The following CDH11 variants were observed in gnomAD, a reference collection of about 807,000 sequenced individuals.
CDH11 encodes cadherin-11.
In CDH11, 11 loss-of-function variants were observed where a neutral mutation model predicts 67.8. The ratio of observed to expected loss-of-function variants is 0.16; its 90% CI spans 0.10 to 0.27. The LOEUF is 0.27. CDH11 is among the 10% of genes least tolerant of loss of function. The probability of loss-of-function intolerance (pLI) is 1.00; values close to 1 mark genes in which losing one functional copy is unlikely to be tolerated. For synonymous variants in CDH11, 419 were observed against 400.0 expected (o/e 1.05, Z -0.57); for missense variants, 847 against 1,031.2 (o/e 0.82, Z 2.45).
chr16:65,043,691 G>A (rs1454215961), intron 2 of CDH11, among the ~76,000 whole-genome samples: 1 of 152,188 alleles, frequency 6.6e-6, no homozygotes, highest in Non-Finnish European at 1.5e-5. Context: ...AGTGTTCAGT[G>A]CAGAAGCAAT....
intron 1 of CDH11, among the ~76,000 whole-genome samples, chr16:65,084,975 C>T (rs989926779): frequency 2.6e-5 from 4 of 152,220 alleles, no homozygotes; most frequent in African/African-American, 9.6e-5. Context: ...AGTGGCACTA[C>T]CTCAACTCAC....
At chr16:64,972,811 T>A in intron 9 of CDH11, 93 bp downstream of exon 9, 2 of 1,329,642 alleles carry the variant, frequency 1.5e-6, no homozygotes, top group East Asian at 4.6e-5. Flanking sequence ...CCAAAAAAGT[T>A]AGTCTATCTC....
chr16:65,004,860 T>C lies in CDH11; in HGVS notation c.10A>G (p.Asn4Asp). MKE[N>D]YCLQAALVCL... The stretch of plus-strand genomic sequence containing the variant: ...ACCAGGGCGGCTTGTAAACAGTAGT[T>C]CTCCTTCATTTTTGGTTACGTGGTA... Residue 4 changes from asparagine (N) to aspartate (D), a missense_variant, in exon 3 of 13, where the codon AAC (asparagine) becomes GAC (aspartate). This residue lies in a region of CDH11 where 235 missense variants were observed against 352.5 expected (regional missense o/e 0.67). Transcript: ENST00000268603. The C allele has an allele frequency of 6.5e-7, 1 of 1,528,124 alleles. No homozygotes were observed. Among genetic ancestry groups the C allele is most frequent in the South Asian group, 1.2e-5 (1 of 81,936 alleles). 94.7% of individuals were successfully genotyped at this position (1,528,124 alleles called of 1,614,324 possible).
At chr16:65,006,008 T>C (rs1486647174) in intron 2 of CDH11, among the ~76,000 whole-genome samples, 1 of 152,194 alleles carries the variant, frequency 6.6e-6, no homozygotes, top group Non-Finnish European at 1.5e-5. Context: ...CTGGTTCTTA[T>C]TGCCAGTCCT....
At chr16:65,034,472 C>T (rs1197950742) in intron 2 of CDH11, among the ~76,000 whole-genome samples, 1 of 152,114 alleles carries the variant, frequency 6.6e-6, no homozygotes, top group East Asian at 1.9e-4. Context: ...GGCCACAGGC[C>T]ACATGTACCC....
intron 1 of CDH11, among the ~76,000 whole-genome samples, chr16:65,089,927 A>G (rs2074767327): frequency 6.6e-6 from 1 of 152,154 alleles, no homozygotes; most frequent in South Asian, 2.1e-4. Flanking sequence ...CAATAATAAT[A>G]TATTATTTAA....
At chr16:64,958,666 G>A (rs916041343) in intron 11 of CDH11, among the ~76,000 whole-genome samples, 5 of 152,060 alleles carry the variant, frequency 3.3e-5, no homozygotes, top group African/African-American at 1.2e-4. Flanking sequence ...GCACATAACT[G>A]ACCCTGGAAC....
intron 1 of CDH11, among the ~76,000 whole-genome samples, chr16:65,064,347 C>T (rs7191084): frequency 0.016 from 2,392 of 152,364 alleles, 71 homozygotes; most frequent in African/African-American, 0.054. Context: ...CCTCACATTC[C>T]TGTGGCGAGC....
chr16:65,120,777 C>G (rs942485907), intron 1 of CDH11, among the ~76,000 whole-genome samples: 2 of 152,112 alleles, frequency 1.3e-5, no homozygotes, highest in African/African-American at 4.8e-5. Context: ...CGCGGCGAGC[C>G]CCGGGCGAAA....
chr16:64,947,234 T>G lies in CDH11; in HGVS notation c.*369A>C. On this transcript the variant is annotated 3_prime_UTR_variant, in exon 13 of 13. Coordinates refer to ENST00000268603, the MANE Select transcript of CDH11 (RefSeq NM_001797.4). ...GCTCAGAACTGTTGTCCTTTCTAAT[T>G]TTGTGGAAGCTTCTTTGACAACTTA... 1 of 1,102,394 alleles carries G rather than the reference T, an allele frequency of 9.1e-7. No individual in the cohort carries two copies. The highest frequency in any genetic ancestry group is 3.5e-5 in the South Asian group (1 of 28,608). 68.3% of individuals were successfully genotyped at this position (1,102,394 alleles called of 1,614,324 possible).
chr16:65,003,513 T>A (rs901787522), intron 3 of CDH11, among the ~76,000 whole-genome samples: 4 of 152,182 alleles, frequency 2.6e-5, no homozygotes, highest in South Asian at 2.1e-4. Flanking sequence ...TGCCTCAGCC[T>A]CCCAGAGAAC....
intron 1 of CDH11, among the ~76,000 whole-genome samples, chr16:65,083,358 A>G (rs867507922): frequency 8.5e-5 from 13 of 152,366 alleles, no homozygotes; most frequent in Admixed American, 2.0e-4. Flanking sequence ...GCACATTATT[A>G]TGCCTGACAT....
chr16:65,029,183 G>C (rs2073591626), intron 2 of CDH11, among the ~76,000 whole-genome samples: 3 of 151,936 alleles, frequency 2.0e-5, no homozygotes, highest in African/African-American at 7.3e-5. Context: ...GCATTACACA[G>C]GATCCTAATT....
chr16:64,962,989 A>G (rs1429915455), intron 11 of CDH11, among the ~76,000 whole-genome samples: 1 of 152,184 alleles, frequency 6.6e-6, no homozygotes, highest in Non-Finnish European at 1.5e-5. Flanking sequence ...CCACATTGTT[A>G]AAGGCTTATT....
intron 2 of CDH11, among the ~76,000 whole-genome samples, chr16:65,035,617 C>A (rs919504138): frequency 1.3e-5 from 2 of 152,108 alleles, no homozygotes; most frequent in East Asian, 3.9e-4. Context: ...TCTTAATTTC[C>A]CACAATGTTT....
chr16:64,975,193 C>T (rs1231032757), intron 8 of CDH11, among the ~76,000 whole-genome samples: 1 of 152,176 alleles, frequency 6.6e-6, no homozygotes, highest in African/African-American at 2.4e-5. Flanking sequence ...TTTAGTGACT[C>T]ACACATTGCA....
intron 11 of CDH11, among the ~76,000 whole-genome samples, chr16:64,952,597 G>A (rs959754726): frequency 2.0e-5 from 3 of 152,036 alleles, no homozygotes; most frequent in Non-Finnish European, 2.9e-5. Context: ...GAAAGCATTG[G>A]TATTATAAAA....
At chr16:65,104,506 G>A (rs1168689196) in intron 1 of CDH11, among the ~76,000 whole-genome samples, 1 of 152,106 alleles carries the variant, frequency 6.6e-6, no homozygotes, top group Non-Finnish European at 1.5e-5. Context: ...TTGTAGGTAG[G>A]TGCCACTGTC....
At chr16:64,994,487 C>T (rs2072716231) in intron 4 of CDH11, among the ~76,000 whole-genome samples, 1 of 152,162 alleles carries the variant, frequency 6.6e-6, no homozygotes, top group Non-Finnish European at 1.5e-5. Flanking sequence ...ATTAGGAGTA[C>T]AGCCATGATT....
Sources: gnomAD v4.1 joint callset for allele counts (sites outside exome capture counted in the v4.1 genomes callset) on GRCh38, gnomAD v4.1.1 for gene constraint, gnomAD v4.1.1 regional missense constraint, MANE v1.5 for transcripts, NCBI Gene and HGNC (gene_info 2026-07-23, HGNC 2026-07-21) for gene names.